The following INSL6 variants were observed in gnomAD, a reference collection of about 807,000 sequenced individuals.
INSL6 encodes insulin-like peptide INSL6.
A neutral mutation model predicts 9.4 loss-of-function variants in INSL6; 16 were observed. The observed-to-expected ratio is 1.70, with a 90% CI of 1.15 to 2.59. The LOEUF (loss-of-function observed/expected upper bound fraction) is 2.59, where lower values mean the gene tolerates loss of function less well. Ranked by LOEUF, INSL6 falls within the 30% of genes most tolerant of loss-of-function variation. The pLI is 0.00. For missense variants in INSL6, 391 were observed against 257.3 expected (o/e 1.52, Z -3.56); for synonymous variants, 154 against 96.9 (o/e 1.59, Z -3.46).
At chr9:5,064,899 C>G in the INSL6 span, 1 of 1,583,382 alleles carries the variant, frequency 6.3e-7, no homozygotes, top group East Asian at 2.3e-5. Context: ...GAACTTAGCT[C>G]ATTAAGGGAA....
At chr9:5,029,207 T>A in the INSL6 span, among the ~76,000 whole-genome samples, 1 of 152,186 alleles carries the variant, frequency 6.6e-6, no homozygotes, top group African/African-American at 2.4e-5. Flanking sequence ...TTCCATATTG[T>A]TGTGTCTCAG....
At chr9:5,147,403 G>T (rs1239075518) in intron 2 of INSL6, among the ~76,000 whole-genome samples, 2 of 152,218 alleles carry the variant, frequency 1.3e-5, no homozygotes, top group African/African-American at 4.8e-5. Flanking sequence ...TAGCAAGGAA[G>T]GTTCTGCTGC....
chr9:5,087,344 C>A, the INSL6 span, among the ~76,000 whole-genome samples: 2 of 152,176 alleles, frequency 1.3e-5, no homozygotes, highest in African/African-American at 2.4e-5. Context: ...AGAACTATCA[C>A]GAGAACAGCA....
the INSL6 span, chr9:5,073,820 C>T: frequency 1.5e-6 from 2 of 1,311,172 alleles, no homozygotes; most frequent in South Asian, 2.5e-5. Context: ...ATGCCTTTCT[C>T]AGAGCATCTG....
chr9:5,034,003 G>A, the INSL6 span, among the ~76,000 whole-genome samples: 4 of 152,184 alleles, frequency 2.6e-5, no homozygotes, highest in East Asian at 1.9e-4. Context: ...CCCATCTCAC[G>A]TGCAGAGACA....
At chr9:5,027,889 T>C in the INSL6 span, among the ~76,000 whole-genome samples, 1 of 152,206 alleles carries the variant, frequency 6.6e-6, no homozygotes, top group Non-Finnish European at 1.5e-5. Flanking sequence ...TTAGTTCTCT[T>C]GTTACTTCTA....
chr9:4,993,906 T>C, the INSL6 span, among the ~76,000 whole-genome samples: 1 of 152,310 alleles, frequency 6.6e-6, no homozygotes, highest in East Asian at 1.9e-4. Flanking sequence ...CAAAGATGCA[T>C]ATGTTAGTGG....
Position 5,185,611 on chromosome 9 carries a change from CCCCAGGCTAGT to C in INSL6, c.-20_-10del. The C allele has an allele frequency of 6.2e-7, 1 of 1,608,286 alleles. No individual in the cohort carries two copies. The highest frequency in any genetic ancestry group is 8.5e-7 in the Non-Finnish European group (1 of 1,178,328). On this transcript the variant is annotated 5_prime_UTR_variant, in exon 1 of 2. Transcript: ENST00000381641. ...CGGAGGAGCCGCGGCATCCCTGTGA[CCCCAGGCTAGT>C]CCTCCGCGTTGTGCAATGGCGGTCG...
the INSL6 span, chr9:5,111,098 AC>A: frequency 8.2e-7 from 1 of 1,224,928 alleles, no homozygotes; most frequent in Non-Finnish European, 1.1e-6. Context: ...GGCAGCGGCG[AC>A]CAGAACAGCT....
chr9:5,080,735 T>C, the INSL6 span: 1 of 1,336,704 alleles, frequency 7.5e-7, no homozygotes, highest in African/African-American at 1.5e-5. Context: ...CTTTATTGTA[T>C]TTAATGAATC....
At chr9:5,090,431 C>G in the INSL6 span, 1 of 1,513,276 alleles carries the variant, frequency 6.6e-7, no homozygotes, top group Non-Finnish European at 8.9e-7. Context: ...ATTATTTCCA[C>G]CTTTATGTTA....
At chr9:5,087,338 C>G in the INSL6 span, among the ~76,000 whole-genome samples, 5 of 152,172 alleles carry the variant, frequency 3.3e-5, no homozygotes, top group Non-Finnish European at 5.9e-5. Context: ...CTCATGAGAA[C>G]TATCACGAGA....
the INSL6 span, chr9:5,090,556 T>C: frequency 6.3e-7 from 1 of 1,581,660 alleles, no homozygotes; most frequent in Non-Finnish European, 8.6e-7. Context: ...GCAGTACACA[T>C]CTCAGATATG....
chr9:5,112,604 G>C, the INSL6 span: 1 of 812,232 alleles, frequency 1.2e-6, no homozygotes, highest in Non-Finnish European at 1.9e-6. Flanking sequence ...TAAGGAGCTG[G>C]GGCGCATGTG....
At chr9:5,150,837 G>A in intron 2 of INSL6, among the ~76,000 whole-genome samples, 1 of 134,516 alleles carries the variant, frequency 7.4e-6, no homozygotes, top group Non-Finnish European at 1.6e-5. Flanking sequence ...CAGATGACTG[G>A]ATAAAGGAGA....
the INSL6 span, chr9:5,085,625 C>T: frequency 1.4e-6 from 1 of 709,548 alleles, no homozygotes; most frequent in East Asian, 2.5e-5. Context: ...CCAGCAAGGA[C>T]AGCCTTCTTT....
the INSL6 span, chr9:5,066,770 T>A: frequency 6.4e-7 from 1 of 1,556,146 alleles, no homozygotes; most frequent in South Asian, 1.2e-5. Context: ...AATAAATATT[T>A]TTTGACTTTT....
chr9:5,069,059 CA>C, the INSL6 span: 1 of 1,600,482 alleles, frequency 6.2e-7, no homozygotes. Context: ...TGTTTGATTA[CA>C]AAAAATGAGA....
At chr9:5,011,690 G>A in the INSL6 span, among the ~76,000 whole-genome samples, 1 of 151,908 alleles carries the variant, frequency 6.6e-6, no homozygotes, top group Admixed American at 6.5e-5. Flanking sequence ...GCTGACTATT[G>A]TACATTGTGG....
Sources: allele counts gnomAD v4.1 joint callset (sites outside exome capture counted in the v4.1 genomes callset), GRCh38; gene constraint gnomAD v4.1.1; transcripts MANE v1.5; gene names NCBI Gene and HGNC (gene_info 2026-07-23, HGNC 2026-07-21).